Variants in COL6A5 observed in about 807,000 individuals in gnomAD.
COL6A5 encodes collagen alpha-5(VI) chain.
A neutral mutation model predicts 65.6 loss-of-function variants in COL6A5; 48 were observed. The ratio of observed to expected loss-of-function variants is 0.73; its 90% CI spans 0.58 to 0.93. COL6A5 has a LOEUF of 0.93. Among genes scored for constraint, COL6A5 ranks in the 40% least tolerant of loss-of-function variants. The probability of loss-of-function intolerance (pLI) is 0.00; values close to 1 mark genes in which losing one functional copy is unlikely to be tolerated. For missense variants in COL6A5, 914 were observed against 928.3 expected (o/e 0.98, Z 0.20); for synonymous variants, 291 against 322.8 (o/e 0.90, Z 1.05).
intron 11 of COL6A5, 108 bp downstream of exon 11, chr3:130,401,281 G>A (rs775509813): frequency 1.0e-6 from 1 of 980,630 alleles, no homozygotes; most frequent in South Asian, 1.8e-5. Context: ...ACTAAATTAA[G>A]TGCTTTGTCC....
chr3:130,391,271 A>G, exon 7 of COL6A5: 1 of 1,551,670 alleles, frequency 6.4e-7, no homozygotes, highest in Non-Finnish European at 8.7e-7. Context: ...GATTAACCTA[A>G]CTATCCATTT....
Position 130,391,730 on chromosome 3 carries a change from C to T in COL6A5, c.2968C>T (p.Arg990Cys), listed in dbSNP as rs1365249537. The T allele has an allele frequency of 9.0e-6, 14 of 1,550,228 alleles. No individual in the cohort carries two copies. The highest frequency in any genetic ancestry group is 7.3e-5 in the East Asian group (3 of 40,914). Residue 990 changes from arginine (R) to cysteine (C), a missense_variant and NMD_transcript_variant, in exon 7 of 42, where the codon CGT (arginine) becomes TGT (cysteine). Transcript: ENST00000312481. ...AGATGTTTTCACACTTGTTCAAGAA[C>T]GTATGTGTACTGAAGCACCAGAGGG...
chr3:130,404,639 C>T (rs867075532), intron 13 of COL6A5, among the ~76,000 whole-genome samples: 2 of 152,178 alleles, frequency 1.3e-5, no homozygotes, highest in Admixed American at 1.3e-4. Context: ...CCTGGCTGAG[C>T]CCACCACTGG....
chr3:130,418,625 T>A (rs1463414503), intron 24 of COL6A5, among the ~76,000 whole-genome samples: 1 of 152,130 alleles, frequency 6.6e-6, no homozygotes, highest in African/African-American at 2.4e-5. Context: ...TTTCTACTTT[T>A]TGTCTTCTCC....
intron 20 of COL6A5, among the ~76,000 whole-genome samples, chr3:130,411,480 C>G (rs1185034724): frequency 2.6e-5 from 4 of 152,092 alleles, no homozygotes; most frequent in African/African-American, 9.7e-5. Flanking sequence ...TACCACTTGC[C>G]TTTGTTTATC....
At chr3:130,479,151 G>A (rs1339386803) in intron 7 of COL6A5, among the ~76,000 whole-genome samples, 1 of 151,980 alleles carries the variant, frequency 6.6e-6, no homozygotes, top group Non-Finnish European at 1.5e-5. Flanking sequence ...GATCCCTTAT[G>A]AATGGGATCA....
chr3:130,471,103 TTAAATGCTACTC>T, intron 7 of COL6A5, 136 bp downstream of exon 39: 1 of 655,702 alleles, frequency 1.5e-6, no homozygotes, highest in Non-Finnish European at 2.7e-6. Context: ...TGTGTGTGTT[TTAAATGCTACTC>T]GTTTGTGATG....
chr3:130,402,836 T>C (rs1280751261), intron 12 of COL6A5, among the ~76,000 whole-genome samples: 2 of 152,208 alleles, frequency 1.3e-5, no homozygotes, highest in African/African-American at 4.8e-5. Context: ...ACTTTTCAAA[T>C]GGATTTTAGG....
intron 13 of COL6A5, among the ~76,000 whole-genome samples, chr3:130,405,146 C>T (rs1052310965): frequency 6.6e-6 from 1 of 152,168 alleles, no homozygotes; most frequent in Non-Finnish European, 1.5e-5. Context: ...TCTCATTCTC[C>T]TAGTAGTGTC....
At chr3:130,472,832 C>CATATATATATATATATATATATATAT (rs10654631) in intron 7 of COL6A5, among the ~76,000 whole-genome samples, 7 of 99,388 alleles carry the variant, frequency 7.0e-5, no homozygotes, top group Admixed American at 1.3e-4. Flanking sequence ...TGTGTGTATA[C>CATATATATATATATATATATATATAT]ATATATATAT....
chr3:130,466,112 T>C (rs1289785303), intron 5 of COL6A5, among the ~76,000 whole-genome samples: 1 of 152,086 alleles, frequency 6.6e-6, no homozygotes, highest in African/African-American at 2.4e-5. Flanking sequence ...AGCAACACTA[T>C]CAACTAACTT....
upstream of COL6A5, chr3:130,429,711 C>CT: frequency 1.4e-6 from 1 of 722,168 alleles, no homozygotes; most frequent in East Asian, 3.1e-5. Context: ...ACAGTTCTTT[C>CT]TTTTGATTAT....
intron 20 of COL6A5, among the ~76,000 whole-genome samples, chr3:130,413,036 A>G (rs1937227047): frequency 6.6e-6 from 1 of 152,130 alleles, no homozygotes. Context: ...GGGGGTGATA[A>G]GAGGGTGCAA....
intron 9 of COL6A5, 35 bp downstream of exon 9, chr3:130,397,958 T>C: frequency 6.5e-7 from 1 of 1,544,328 alleles, no homozygotes; most frequent in Non-Finnish European, 8.8e-7. Flanking sequence ...CATCTCCACA[T>C]TCTCCCATTT....
At chr3:130,478,569 C>G (rs819094) in intron 7 of COL6A5, among the ~76,000 whole-genome samples, 1 of 151,776 alleles carries the variant, frequency 6.6e-6, no homozygotes, top group African/African-American at 2.4e-5. Context: ...TTTCTGCATC[C>G]CCTTTTAAAA....
intron 24 of COL6A5, 85 bp from the exon 25 acceptor site, chr3:130,418,784 C>G (rs1577489821): frequency 1.9e-6 from 2 of 1,030,132 alleles, no homozygotes; most frequent in East Asian, 2.6e-5. Context: ...AACCTTGAGT[C>G]TCCTCATCGA....
intron 13 of COL6A5, 53 bp from the exon 14 acceptor site, chr3:130,405,535 C>A (rs1577475705): frequency 7.5e-7 from 1 of 1,328,984 alleles, no homozygotes; most frequent in Non-Finnish European, 1.1e-6. Context: ...AAACCACTGG[C>A]AGCTTCTGGC....
chr3:130,431,969 ACTT>A lies in COL6A5; in HGVS notation c.487+24_487+26del, dbSNP rs1183977000. 5.8e-6 allele frequency: 9 copies of A among 1,545,056 alleles called. No individual in the cohort carries two copies. Among genetic ancestry groups the A allele is most frequent in the Non-Finnish European group, 7.9e-6 (9 of 1,142,770 alleles). On this transcript the variant is annotated intron_variant, in intron 1 of 7. Coordinates refer to ENST00000512836, the Ensembl canonical transcript of COL6A5. ...TTTGGGGTAAGAATTTCTCTTGGCA[ACTT>A]CTTTAATTTTAAGATAGAGGTAGGT...
At position 130,395,999 on chromosome 3, in the gene COL6A5, T is replaced by G. The variant is rs1387991923; in HGVS notation, c.3568+534T>G. Among the ~76,000 whole-genome samples the G allele has an allele frequency of 2.0e-5, 3 of 152,158 alleles. No homozygotes were observed. The East Asian group carries it at 5.8e-4, about 29-fold the overall frequency. On this transcript the variant is annotated intron_variant and NMD_transcript_variant, in intron 8 of 41. Coordinates refer to the COL6A5 transcript ENST00000312481. Reference sequence around the variant, plus strand: ...GATCTGAATTGTCTTTAGAGGTTATTTAATCCAGAGGTCACAAAGGCAAAT... The same window carrying G: ...GATCTGAATTGTCTTTAGAGGTTATGTAATCCAGAGGTCACAAAGGCAAAT...
Sources: gnomAD v4.1 joint callset for allele counts (sites outside exome capture counted in the v4.1 genomes callset) on GRCh38, gnomAD v4.1.1 for gene constraint, MANE v1.5 for transcripts, NCBI Gene and HGNC (gene_info 2026-07-23, HGNC 2026-07-21) for gene names.